The following DSCAML1 variants were observed in gnomAD, a reference collection of about 807,000 sequenced individuals.
The protein encoded by DSCAML1 is cell adhesion molecule DSCAML1.
Under a neutral mutation model 200.5 loss-of-function variants are expected in DSCAML1, and 38 were observed. The ratio of observed to expected loss-of-function variants is 0.19; its 90% CI spans 0.15 to 0.25. DSCAML1 has a LOEUF of 0.25. DSCAML1 is among the 10% of genes least tolerant of loss of function. DSCAML1 has a pLI of 1.00. For synonymous variants in DSCAML1, 1,215 were observed against 1,165.0 expected, an observed-to-expected ratio of 1.04 and a Z score of -0.87; for missense variants, 2,223 against 2,858.8, an observed-to-expected ratio of 0.78 and a Z score of 5.07.
chr11:117,458,373 T>A (rs1329513476), intron 19 of DSCAML1, among the ~76,000 whole-genome samples: 2 of 152,162 alleles, frequency 1.3e-5, no homozygotes, highest in Non-Finnish European at 2.9e-5. Context: ...ACCCGTGATG[T>A]ACTGAGCGAT....
At chr11:117,440,019 T>A in intron 21 of DSCAML1, 83 bp from the exon 22 acceptor site, 1 of 1,240,418 alleles carries the variant, frequency 8.1e-7, no homozygotes, top group Non-Finnish European at 1.2e-6. Flanking sequence ...CCCCTGGATT[T>A]ACAGTTCAAA....
chr11:117,536,130 A>G (rs1014452443), intron 3 of DSCAML1, among the ~76,000 whole-genome samples: 7 of 152,182 alleles, frequency 4.6e-5, no homozygotes, highest in African/African-American at 1.4e-4. Context: ...CGAGAGGGGA[A>G]GGAGAAATCA....
intron 4 of DSCAML1, among the ~76,000 whole-genome samples, chr11:117,531,926 A>T: frequency 1.1e-5 from 1 of 91,840 alleles, no homozygotes; most frequent in South Asian, 6.2e-4. Context: ...AAGGGAAGGG[A>T]AGGGAGGAGG....
chr11:117,644,654 G>A (rs370574155), intron 3 of DSCAML1, among the ~76,000 whole-genome samples: 92 of 152,340 alleles, frequency 6.0e-4, no homozygotes, highest in African/African-American at 2.1e-3. Flanking sequence ...GGGAGAAGCC[G>A]AGGGGGAGCC....
At chr11:117,725,365 G>A (rs2054107511) in intron 3 of DSCAML1, among the ~76,000 whole-genome samples, 1 of 152,148 alleles carries the variant, frequency 6.6e-6, no homozygotes, top group Non-Finnish European at 1.5e-5. Context: ...TATCCAGAGT[G>A]ACTCCATCCA....
chr11:117,796,545 G>T (rs73586806), intron 1 of DSCAML1, among the ~76,000 whole-genome samples: 3,747 of 152,352 alleles, frequency 0.025, 154 homozygotes, highest in African/African-American at 0.086. Context: ...GCCAACATTC[G>T]CGCCAGGGCT....
chr11:117,667,621 C>T (rs1190719452), intron 3 of DSCAML1, among the ~76,000 whole-genome samples: 1 of 152,144 alleles, frequency 6.6e-6, no homozygotes, highest in Non-Finnish European at 1.5e-5. Context: ...TCTTTGCATC[C>T]AGGACTCAGT....
chr11:117,790,252 T>C (rs1329758875), intron 1 of DSCAML1, among the ~76,000 whole-genome samples: 1 of 152,156 alleles, frequency 6.6e-6, no homozygotes, highest in Non-Finnish European at 1.5e-5. Flanking sequence ...GAATGTCCCT[T>C]TGGGGGAGTT....
chr11:117,618,857 A>G (rs74711721), intron 3 of DSCAML1, among the ~76,000 whole-genome samples: 10 of 152,158 alleles, frequency 6.6e-5, no homozygotes, highest in East Asian at 3.9e-4. Flanking sequence ...TTGTCACTCA[A>G]TGCCCCTTAG....
chr11:117,619,075 G>C (rs575765783), intron 3 of DSCAML1, among the ~76,000 whole-genome samples: 1 of 152,266 alleles, frequency 6.6e-6, no homozygotes, highest in East Asian at 1.9e-4. Context: ...TCCCTCCCCA[G>C]CTCCACTTTT....
intron 3 of DSCAML1, among the ~76,000 whole-genome samples, chr11:117,608,561 G>A (rs150184516): frequency 6.6e-6 from 1 of 152,246 alleles, no homozygotes; most frequent in African/African-American, 2.4e-5. Flanking sequence ...ACATCTTTGA[G>A]CATTCTTCAT....
At chr11:117,555,917 G>A (rs560973967) in intron 3 of DSCAML1, among the ~76,000 whole-genome samples, 1 of 151,598 alleles carries the variant, frequency 6.6e-6, no homozygotes, top group Non-Finnish European at 1.5e-5. Flanking sequence ...AGGAAGCCAG[G>A]GGGGAGCTTA....
intron 3 of DSCAML1, among the ~76,000 whole-genome samples, chr11:117,637,267 T>A (rs1045086518): frequency 2.0e-5 from 3 of 152,156 alleles, no homozygotes; most frequent in Non-Finnish European, 4.4e-5. Context: ...AGTGAGACTA[T>A]GAGTTTCTTA....
At position 117,554,176 on chromosome 11, in the gene DSCAML1, C is replaced by T. The variant is rs1591258917; in HGVS notation, c.512-21654G>A. Among the ~76,000 whole-genome samples the T allele has an allele frequency of 2.6e-5, 4 of 152,154 alleles. No individual in the cohort carries two copies. In the South Asian group the frequency reaches 8.3e-4, roughly 32 times the overall value. On this transcript the variant is annotated intron_variant, in intron 3 of 32. Transcript: ENST00000651296. Reference sequence around the variant, plus strand: ...GGAGGGGGAATGGGGAGCTATTGCTCATAGTGGGTCCAGAGTTTCTGATGA... The same window carrying T: ...GGAGGGGGAATGGGGAGCTATTGCTTATAGTGGGTCCAGAGTTTCTGATGA...
In DSCAML1 at chr11:117,462,774, C is replaced by T. The variant is rs543232139; in HGVS notation, c.3266-1178G>A. Among the ~76,000 whole-genome samples the T allele has an allele frequency of 1.4e-4, 22 of 152,304 alleles. 1 individual carries two copies. The South Asian group carries it at 4.3e-3, about 30-fold the overall frequency. On this transcript the variant is annotated intron_variant, in intron 17 of 32. Transcript: ENST00000651296. ...TTGCTAAAGCAGGGGCCCTTGAATACCCCAGGAGGAGTGCTAATATTGCCA... is the reference window on the plus strand; with the variant it reads ...TTGCTAAAGCAGGGGCCCTTGAATATCCCAGGAGGAGTGCTAATATTGCCA...
chr11:117,720,731 G>T (rs1482088539), intron 3 of DSCAML1, among the ~76,000 whole-genome samples: 2 of 152,208 alleles, frequency 1.3e-5, no homozygotes, highest in Non-Finnish European at 2.9e-5. Context: ...GTAAAATGGT[G>T]CACAGCAATA....
At chr11:117,559,755 G>A (rs1187805211) in intron 3 of DSCAML1, among the ~76,000 whole-genome samples, 1 of 152,154 alleles carries the variant, frequency 6.6e-6, no homozygotes, top group African/African-American at 2.4e-5. Flanking sequence ...AAGGGGCAGA[G>A]AGCTCCCACT....
rs189611060 is a variant in DSCAML1, at chr11:117,469,609, C to G, written c.3024+301G>C. Among the ~76,000 whole-genome samples, 1 of 151,968 alleles carries G rather than the reference C, an allele frequency of 6.6e-6. No homozygotes were observed. The highest frequency in any genetic ancestry group is 1.5e-5 in the Non-Finnish European group (1 of 68,016). On this transcript the variant is annotated intron_variant, in intron 16 of 32. Transcript: ENST00000651296. This position sits in a 1 kb window ranked among gnomAD's most constrained non-coding sequence, Gnocchi z 4.1. ...ATTACAACATGTGGGGTTTGGACGA[C>G]GGGCCAGCACCACCGAGGAACCATC...
intron 8 of DSCAML1, among the ~76,000 whole-genome samples, chr11:117,515,246 C>T (rs769204743): frequency 6.6e-6 from 1 of 152,186 alleles, no homozygotes; most frequent in Non-Finnish European, 1.5e-5. Flanking sequence ...GCTCTTCAGC[C>T]ATCACAGCCG....
Sources: allele counts gnomAD v4.1 joint callset (sites outside exome capture counted in the v4.1 genomes callset), GRCh38; gene constraint gnomAD v4.1.1; non-coding constraint Gnocchi (gnomAD v3.1); transcripts MANE v1.5; gene names NCBI Gene and HGNC (gene_info 2026-07-23, HGNC 2026-07-21).